The following FYN variants were observed in gnomAD, a reference collection of about 807,000 sequenced individuals.
The protein encoded by FYN is tyrosine-protein kinase Fyn.
FYN carries 10 observed loss-of-function variants against 70.2 expected under a neutral mutation model. The observed-to-expected ratio is 0.14, with a 90% CI of 0.09 to 0.24. FYN has a LOEUF of 0.24. Among genes scored for constraint, FYN ranks in the 10% least tolerant of loss-of-function variants. FYN has a pLI of 1.00. For synonymous variants in FYN, 236 were observed against 248.6 expected (o/e 0.95, Z 0.48); for missense variants, 319 against 673.1 (o/e 0.47, Z 5.82).
chr6:111,674,465 T>A (rs764169408), intron 13 of FYN, 34 bp downstream of exon 13: 28 of 1,580,678 alleles, frequency 1.8e-5, no homozygotes, highest in Admixed American at 5.3e-5. Context: ...AAGCCTCCAA[T>A]CTCAGGCCCA....
chr6:111,700,235 A>G lies in FYN; in HGVS notation c.731T>C (p.Val244Ala). The G allele has an allele frequency of 6.2e-7, 1 of 1,614,124 alleles. No individual in the cohort carries two copies. ...CCTTGGCATCCCTTTGTGACAGGGA[A>G]CTACTAGGCGGCAGCAGAGACCTGC... ...RAAGLCCRLVVPCHKGMPRLT... is the reference protein window; with the variant it reads ...RAAGLCCRLVAPCHKGMPRLT... The change falls in exon 9 of 14, where the codon GTT becomes GCT. Residue 244 changes from valine to alanine, a missense_variant. Coordinates refer to ENST00000354650, the MANE Select transcript of FYN (RefSeq NM_002037.5).
At chr6:111,681,874 G>C (rs759495009) in intron 12 of FYN, among the ~76,000 whole-genome samples, 6 of 152,060 alleles carry the variant, frequency 3.9e-5, no homozygotes, top group Non-Finnish European at 1.5e-5. Context: ...GCCAAACAAA[G>C]GACAAGTGTA....
chr6:111,744,158 G>A (rs1270444115), intron 3 of FYN, among the ~76,000 whole-genome samples: 3 of 152,326 alleles, frequency 2.0e-5, no homozygotes, highest in South Asian at 4.1e-4. Flanking sequence ...TTCAGCAGCC[G>A]TTATCCTACT....
chr6:111,791,507 C>T (rs1315172289), intron 2 of FYN, among the ~76,000 whole-genome samples: 1 of 152,122 alleles, frequency 6.6e-6, no homozygotes, highest in Non-Finnish European at 1.5e-5. Flanking sequence ...AGTATGGACT[C>T]TGAATCCAGT....
At chr6:111,856,899 A>G (rs1356639700) in intron 1 of FYN, among the ~76,000 whole-genome samples, 1 of 152,246 alleles carries the variant, frequency 6.6e-6, no homozygotes, top group Non-Finnish European at 1.5e-5. Flanking sequence ...ACACTTTTAA[A>G]GCAAGCCTGA....
intron 12 of FYN, among the ~76,000 whole-genome samples, chr6:111,684,306 T>C (rs1475345417): frequency 2.0e-5 from 3 of 151,918 alleles, no homozygotes; most frequent in Non-Finnish European, 2.9e-5. Context: ...TCTGGTTGAG[T>C]GGAATCCATG....
At chr6:111,755,650 A>G (rs1288686792) in intron 3 of FYN, among the ~76,000 whole-genome samples, 1 of 152,222 alleles carries the variant, frequency 6.6e-6, no homozygotes, top group Non-Finnish European at 1.5e-5. Flanking sequence ...CATTTTGTGG[A>G]AATAGTATCA....
At chr6:111,668,558 C>G (rs148451960) in intron 13 of FYN, among the ~76,000 whole-genome samples, 1 of 151,812 alleles carries the variant, frequency 6.6e-6, no homozygotes, top group African/African-American at 2.4e-5. Flanking sequence ...AGGAAGGCCC[C>G]GGAACTGCAC....
chr6:111,668,828 C>G (rs907567282), intron 13 of FYN, among the ~76,000 whole-genome samples: 1 of 152,140 alleles, frequency 6.6e-6, no homozygotes, highest in Admixed American at 6.5e-5. Flanking sequence ...CACGCACCCT[C>G]GGCTAAGATG....
intron 2 of FYN, among the ~76,000 whole-genome samples, chr6:111,828,112 G>T (rs182663356): frequency 6.6e-6 from 1 of 152,182 alleles, no homozygotes; most frequent in Admixed American, 6.5e-5. Context: ...GCAGCTCCTG[G>T]GACTGCACTG....
chr6:111,744,603 C>G (rs564952478), intron 3 of FYN, among the ~76,000 whole-genome samples: 1 of 152,174 alleles, frequency 6.6e-6, no homozygotes, highest in Non-Finnish European at 1.5e-5. Context: ...CACATGGACT[C>G]CTATTCTGGT....
At chr6:111,713,124 T>C (rs993914518) in intron 5 of FYN, among the ~76,000 whole-genome samples, 7 of 152,308 alleles carry the variant, frequency 4.6e-5, no homozygotes, top group Admixed American at 3.9e-4. Context: ...AAGAGAGTCG[T>C]TGGCCCTTTA....
chr6:111,749,329 T>G (rs1002698285), intron 3 of FYN, among the ~76,000 whole-genome samples: 3 of 152,236 alleles, frequency 2.0e-5, no homozygotes, highest in Non-Finnish European at 2.9e-5. Flanking sequence ...ATGATAATCA[T>G]GTTTATGATA....
chr6:111,694,810 T>TA lies in FYN; in HGVS notation c.1043-107dup. On this transcript the variant is annotated intron_variant, in intron 10 of 13. Coordinates refer to ENST00000354650, the MANE Select transcript of FYN (RefSeq NM_002037.5). This position sits in a 1 kb window ranked among gnomAD's most constrained non-coding sequence, Gnocchi z 5.0. Reference sequence around the variant, plus strand: ...AAAGTAATAAGGTAGTCAAATGGAATAATGCCATCCACATGGGGGGACAAA... The same window carrying TA: ...AAAGTAATAAGGTAGTCAAATGGAATAAATGCCATCCACATGGGGGGACAAA... 1.0e-6 allele frequency: 1 copy of TA among 957,928 alleles called. No individual in the cohort carries two copies. Among genetic ancestry groups the TA allele is most frequent in the African/African-American group, 1.6e-5 (1 of 60,686 alleles). The allele number at this position is 957,928 out of a possible 1,614,324, so 59.3% of individuals were successfully genotyped here. A position where few individuals can be genotyped will look rare whatever the true frequency, so the allele number is the denominator to read the frequency against.
chr6:111,807,694 TG>T (rs1398616976), intron 2 of FYN, among the ~76,000 whole-genome samples: 1 of 152,148 alleles, frequency 6.6e-6, no homozygotes, highest in Non-Finnish European at 1.5e-5. Flanking sequence ...GCATCCTAAG[TG>T]TCTCCAAATG....
At chr6:111,842,138 C>A (rs1026553417) in intron 2 of FYN, among the ~76,000 whole-genome samples, 1 of 152,154 alleles carries the variant, frequency 6.6e-6, no homozygotes, top group Non-Finnish European at 1.5e-5. Flanking sequence ...TACACTGAGG[C>A]TGGGTCACTC....
At chr6:111,823,399 G>C (rs770023690) in intron 2 of FYN, among the ~76,000 whole-genome samples, 1 of 152,130 alleles carries the variant, frequency 6.6e-6, no homozygotes, top group Non-Finnish European at 1.5e-5. Flanking sequence ...TCTAAACACC[G>C]GCTCAAATTT....
chr6:111,742,501 C>T (rs970591583), intron 3 of FYN, among the ~76,000 whole-genome samples: 1 of 152,158 alleles, frequency 6.6e-6, no homozygotes, highest in African/African-American at 2.4e-5. Flanking sequence ...AACCCCAAAA[C>T]CCCAGAGTAA....
At chr6:111,717,713 C>T (rs1800728365) in intron 4 of FYN, among the ~76,000 whole-genome samples, 1 of 152,246 alleles carries the variant, frequency 6.6e-6, no homozygotes, top group Non-Finnish European at 1.5e-5. Flanking sequence ...ATCCACCCAC[C>T]TCAGCCTTCC....
Sources: gnomAD v4.1 joint callset for allele counts (sites outside exome capture counted in the v4.1 genomes callset) on GRCh38, gnomAD v4.1.1 for gene constraint, Gnocchi (gnomAD v3.1) non-coding constraint, MANE v1.5 for transcripts, NCBI Gene and HGNC (gene_info 2026-07-23, HGNC 2026-07-21) for gene names.